CUL3: variants seen among roughly 807,000 people sequenced by gnomAD.
The protein encoded by CUL3 is cullin-3.
Under a neutral mutation model 89.1 loss-of-function variants are expected in CUL3, and 19 were observed. That is an observed-to-expected ratio of 0.21 (90% CI 0.15 to 0.31). The LOEUF is 0.31. CUL3 is among the 10% of genes least tolerant of loss of function. The pLI is 1.00. For missense variants in CUL3, 469 were observed against 942.3 expected (o/e 0.50, Z 6.58); for synonymous variants, 351 against 308.4 (o/e 1.14, Z -1.45).
intron 13 of CUL3, among the ~76,000 whole-genome samples, chr2:224,491,335 T>C (rs992991741): frequency 6.6e-6 from 1 of 152,178 alleles, no homozygotes; most frequent in Non-Finnish European, 1.5e-5. Flanking sequence ...ACAGTTCTTG[T>C]TAAGATGATT....
intron 9 of CUL3, 109 bp downstream of exon 9, chr2:224,503,543 G>T: frequency 2.1e-6 from 2 of 941,558 alleles, no homozygotes; most frequent in Non-Finnish European, 3.0e-6. Context: ...TTTATTTCTA[G>T]AAATAAACAC....
intron 2 of CUL3, among the ~76,000 whole-genome samples, chr2:224,539,898 C>G (rs544642423): frequency 6.6e-6 from 1 of 151,968 alleles, no homozygotes; most frequent in African/African-American, 2.4e-5. Context: ...AAAAGTGAGC[C>G]CTCATGTAAA....
intron 3 of CUL3, among the ~76,000 whole-genome samples, chr2:224,522,984 A>T (rs745888747): frequency 6.6e-5 from 10 of 152,256 alleles, no homozygotes; most frequent in African/African-American, 1.9e-4. Flanking sequence ...AACTGCAATA[A>T]ATCATAAAAT....
At chr2:224,556,396 A>G (rs1486209232) in intron 2 of CUL3, 1 of 152,164 alleles carries the variant, frequency 6.6e-6, no homozygotes, top group Non-Finnish European at 1.5e-5. Flanking sequence ...TGCACTGAGG[A>G]CACAACATCA....
chr2:224,579,556 G>A (rs1025029648), intron 1 of CUL3, among the ~76,000 whole-genome samples: 1 of 151,854 alleles, frequency 6.6e-6, no homozygotes, highest in Non-Finnish European at 1.5e-5. Context: ...TATCACAAAT[G>A]AACATAAAAC....
chr2:224,522,594 G>A (rs1332484268), intron 3 of CUL3, among the ~76,000 whole-genome samples: 1 of 152,142 alleles, frequency 6.6e-6, no homozygotes, highest in Admixed American at 6.5e-5. Flanking sequence ...TTGGGAGGCC[G>A]AGGCGGGCGG....
chr2:224,521,887 GTTC>G (rs974091459), intron 3 of CUL3, among the ~76,000 whole-genome samples: 86 of 151,888 alleles, frequency 5.7e-4, no homozygotes, highest in African/African-American at 1.9e-3. Flanking sequence ...CTCTTAAATA[GTTC>G]TTCTTTCAGT....
At chr2:224,478,419 C>A (rs2106144046) in intron 14 of CUL3, 74 bp from the exon 15 acceptor site, 3 of 1,446,186 alleles carry the variant, frequency 2.1e-6, no homozygotes, top group South Asian at 2.7e-5. Flanking sequence ...TATTATAATT[C>A]AATGTAATCC....
At chr2:224,488,932 T>C (rs12611472) in intron 13 of CUL3, among the ~76,000 whole-genome samples, 37,524 of 152,086 alleles carry the variant, frequency 0.25, 5,357 homozygotes, top group East Asian at 0.36. Flanking sequence ...GTTGGCTTCA[T>C]CCCTGGGATG....
chr2:224,487,430 A>G (rs2106162265), intron 13 of CUL3, among the ~76,000 whole-genome samples: 3 of 112,452 alleles, frequency 2.7e-5, no homozygotes, highest in African/African-American at 8.6e-5. Context: ...ATATTTACCA[A>G]GCCCGCCCCC....
chr2:224,584,877 G>C lies in CUL3; in HGVS notation c.66+67C>G, dbSNP rs561039833. The C allele has an allele frequency of 7.1e-6, 9 of 1,267,740 alleles. No individual in the cohort carries two copies. In the East Asian group the frequency reaches 2.2e-4, roughly 31 times the overall value. 78.5% of individuals were successfully genotyped at this position (1,267,740 alleles called of 1,614,324 possible). On this transcript the variant is annotated intron_variant, in intron 1 of 15. Transcript: ENST00000264414. ...GCGGCCTGTTGGGGGACTTCAGCCC[G>C]GGCCTCGCGTGCGGCTCTCGGCCCG...
At chr2:224,537,227 ACAACACACTG>A (rs1223320074) in intron 2 of CUL3, among the ~76,000 whole-genome samples, 1 of 152,220 alleles carries the variant, frequency 6.6e-6, no homozygotes, top group African/African-American at 2.4e-5. Flanking sequence ...GAAAATACAC[ACAACACACTG>A]TGGAAGAATA....
At chr2:224,570,389 T>G (rs567497149) in intron 1 of CUL3, among the ~76,000 whole-genome samples, 76 of 152,336 alleles carry the variant, frequency 5.0e-4, no homozygotes, top group African/African-American at 1.8e-3. Flanking sequence ...TTTCCTCATT[T>G]GCTTGTGGCC....
At chr2:224,535,458 C>T (rs1693861411) in intron 3 of CUL3, 70 bp downstream of exon 3, 2 of 1,076,280 alleles carry the variant, frequency 1.9e-6, no homozygotes, top group East Asian at 5.0e-5. Flanking sequence ...GCGTGAGCCA[C>T]CGTGCCCAGC....
In CUL3 at chr2:224,585,041, G is replaced by A. The variant is rs1017551688; in HGVS notation, c.-32C>T. On this transcript the variant is annotated 5_prime_UTR_variant, in exon 1 of 16. Transcript: ENST00000264414. ...CGTCCCCTCCCCGGCGGCGGCTTCA[G>A]GTCGCGCTCCGCGACGCCGGTGTCA... 4 of 1,472,798 alleles carry A rather than the reference G, an allele frequency of 2.7e-6. No individual in the cohort carries two copies. The highest frequency in any genetic ancestry group is 2.9e-5 in the East Asian group (1 of 34,430). 91.2% of individuals were successfully genotyped at this position (1,472,798 alleles called of 1,614,324 possible).
rs766952042 is a variant in CUL3, at chr2:224,478,204, G to A, written c.2171C>T (p.Ala724Val). 1.6e-5 allele frequency: 25 copies of A among 1,610,330 alleles called. No individual in the cohort carries two copies. Among genetic ancestry groups the A allele is most frequent in the South Asian group, 2.2e-5 (2 of 90,314 alleles). The change falls in exon 15 of 16, where the codon GCG becomes GTG. Residue 724 changes from alanine to valine, a missense_variant. Ala to Val is a moderately conservative substitution (Grantham distance 64). Coordinates refer to ENST00000264414, the MANE Select transcript of CUL3 (RefSeq NM_003590.5). ...CCAGTAGTGAAGAGTCCTCACCTCC[G>A]CTACTAGAACATTGTGCTGCATCTT... ...RKKMQHNVLV[A>V]EVTQQLKARF... is the part of the protein sequence containing the mutation.
At chr2:224,478,497 G>T in intron 14 of CUL3, 152 bp from the exon 15 acceptor site, 2 of 547,162 alleles carry the variant, frequency 3.7e-6, no homozygotes, top group African/African-American at 2.1e-5. Flanking sequence ...TTCAGAAACT[G>T]TCTTAATGTT....
At chr2:224,543,378 T>C (rs1012885243) in intron 2 of CUL3, among the ~76,000 whole-genome samples, 1 of 152,252 alleles carries the variant, frequency 6.6e-6, no homozygotes, top group South Asian at 2.1e-4. Flanking sequence ...ATGGAGCACA[T>C]CCTAATTATA....
chr2:224,585,023 T>TC lies in CUL3; in HGVS notation c.-15dup. 6.7e-7 allele frequency: 1 copy of TC among 1,489,916 alleles called. No individual in the cohort carries two copies. 92.3% of individuals were successfully genotyped at this position (1,489,916 alleles called of 1,614,324 possible). On this transcript the variant is annotated 5_prime_UTR_variant, in exon 1 of 16. Transcript: ENST00000264414. ...CAGATTCGACATGGTGCTCGTCCCC[T>TC]CCCCGGCGGCGGCTTCAGGTCGCGC...
Sources: allele counts gnomAD v4.1 joint callset (sites outside exome capture counted in the v4.1 genomes callset), GRCh38; gene constraint gnomAD v4.1.1; transcripts MANE v1.5; gene names NCBI Gene and HGNC (gene_info 2026-07-23, HGNC 2026-07-21).